TXNRD1: variants seen among roughly 807,000 people sequenced by gnomAD.
TXNRD1 encodes thioredoxin reductase 1, also known as thioredoxin reductase 1, cytoplasmic.
TXNRD1 carries 57 observed loss-of-function variants against 80.3 expected under a neutral mutation model. The ratio of observed to expected loss-of-function variants is 0.71; its 90% confidence interval spans 0.57 to 0.89. The LOEUF is 0.89. Ranked by LOEUF, TXNRD1 falls within the 40% of genes least tolerant of loss-of-function variation. The probability of loss-of-function intolerance (pLI) is 0.00; values close to 1 mark genes in which losing one functional copy is unlikely to be tolerated. For synonymous variants in TXNRD1, 291 were observed against 285.2 expected, an observed-to-expected ratio of 1.02 and a Z score of -0.20; for missense variants, 730 against 803.0, an observed-to-expected ratio of 0.91 and a Z score of 1.10.
intron 15 of TXNRD1, among the ~76,000 whole-genome samples, chr12:104,338,339 A>G (rs1389357570): frequency 6.6e-6 from 1 of 151,666 alleles, no homozygotes; most frequent in Middle Eastern, 3.4e-3. Flanking sequence ...ATCATACTCT[A>G]TGTTTTGGTT....
intron 9 of TXNRD1, among the ~76,000 whole-genome samples, chr12:104,319,863 T>C (rs540851510): frequency 1.3e-5 from 2 of 152,394 alleles, no homozygotes; most frequent in African/African-American, 4.8e-5. Context: ...GAAATTTATT[T>C]ATGCATGTAT....
At chr12:104,238,753 T>C (rs2032793300) in intron 1 of TXNRD1, among the ~76,000 whole-genome samples, 1 of 152,210 alleles carries the variant, frequency 6.6e-6, no homozygotes, top group Admixed American at 6.5e-5. Flanking sequence ...TCAGTTGTGG[T>C]GTATAAAATT....
intron 4 of TXNRD1, among the ~76,000 whole-genome samples, chr12:104,308,885 A>T (rs562063658): frequency 6.7e-6 from 1 of 150,074 alleles, no homozygotes; most frequent in African/African-American, 2.4e-5. Flanking sequence ...TTAAAATTTT[A>T]AAAACAATGT....
intron 3 of TXNRD1, chr12:104,287,481 T>G (rs567003350): frequency 2.5e-5 from 40 of 1,608,518 alleles, no homozygotes; most frequent in Non-Finnish European, 3.4e-5. Flanking sequence ...TAGATGACAA[T>G]GTGTTGAGTG....
chr12:104,298,648 C>T (rs543904064), intron 4 of TXNRD1, among the ~76,000 whole-genome samples: 6 of 151,966 alleles, frequency 3.9e-5, no homozygotes, highest in Admixed American at 2.6e-4. Context: ...CACTTGAACC[C>T]GGGAGGCGGA....
Position 104,225,277 on chromosome 12 carries a change from A to G in TXNRD1, c.91+9384A>G, listed in dbSNP as rs117198234. On this transcript the variant is annotated intron_variant, in intron 1 of 16. Transcript: ENST00000525566. ...ATTTAATCACTGCAAGAGGCAAATGAGGAAAGTGAGGCCCAGAGAGGTAAC... is the reference window on the plus strand; with the variant it reads ...ATTTAATCACTGCAAGAGGCAAATGGGGAAAGTGAGGCCCAGAGAGGTAAC... Among the ~76,000 whole-genome samples, 521 of 152,304 alleles carry G rather than the reference A, an allele frequency of 3.4e-3. 1 individual carries two copies. Among genetic ancestry groups the G allele is most frequent in the Middle Eastern group, 6.8e-3 (2 of 294 alleles).
At chr12:104,291,228 T>C in intron 4 of TXNRD1, 1 of 453,928 alleles carries the variant, frequency 2.2e-6, no homozygotes, top group Non-Finnish European at 3.8e-6. Context: ...TGAGACAAAG[T>C]CTCGCTCTGT....
At chr12:104,323,569 CGGGCGGGGGGCTG>C (rs2035628331) in intron 10 of TXNRD1, among the ~76,000 whole-genome samples, 1 of 124,582 alleles carries the variant, frequency 8.0e-6, no homozygotes, top group African/African-American at 3.4e-5. Context: ...GGCGGCTGGC[CGGGCGGGGGGCTG>C]ACACCCCCAC....
intron 4 of TXNRD1, among the ~76,000 whole-genome samples, chr12:104,302,784 C>T (rs1343942571): frequency 2.0e-5 from 3 of 152,184 alleles, no homozygotes; most frequent in Non-Finnish European, 4.4e-5. Flanking sequence ...CCACCGCGCC[C>T]GGCCATTCCC....
At chr12:104,260,865 A>C (rs540315074) in intron 3 of TXNRD1, among the ~76,000 whole-genome samples, 187 of 152,346 alleles carry the variant, frequency 1.2e-3, no homozygotes, top group African/African-American at 4.3e-3. Flanking sequence ...ATGTCCTTCA[A>C]GGATGGGAAA....
At chr12:104,230,319 G>A (rs145184686) in intron 1 of TXNRD1, among the ~76,000 whole-genome samples, 87 of 151,984 alleles carry the variant, frequency 5.7e-4, no homozygotes, top group African/African-American at 1.9e-3. Context: ...TCCACCCACC[G>A]CAGCCTCCCA....
intron 3 of TXNRD1, chr12:104,287,525 T>C: frequency 6.3e-7 from 1 of 1,588,008 alleles, no homozygotes; most frequent in East Asian, 2.3e-5. Flanking sequence ...TAAGAAAGTA[T>C]AACTATGTAA....
At chr12:104,305,765 G>A (rs965023579) in intron 4 of TXNRD1, among the ~76,000 whole-genome samples, 1 of 152,208 alleles carries the variant, frequency 6.6e-6, no homozygotes, top group East Asian at 1.9e-4. Flanking sequence ...TCCAGTTGTA[G>A]TTTTTATCTA....
At chr12:104,288,831 C>G in intron 3 of TXNRD1, 100 bp from the exon 4 acceptor site, 1 of 1,609,078 alleles carries the variant, frequency 6.2e-7, no homozygotes. Flanking sequence ...GCACGCGGTG[C>G]CTGCGGGGCC....
intron 2 of TXNRD1, among the ~76,000 whole-genome samples, chr12:104,252,199 T>TA (rs1233750518): frequency 6.6e-6 from 1 of 151,998 alleles, no homozygotes; most frequent in Non-Finnish European, 1.5e-5. Flanking sequence ...CATATTCAGG[T>TA]AGTCGAGGTC....
intron 4 of TXNRD1, among the ~76,000 whole-genome samples, chr12:104,299,208 A>G (rs1366615626): frequency 6.6e-6 from 1 of 152,196 alleles, no homozygotes; most frequent in Non-Finnish European, 1.5e-5. Context: ...TGTTTCCTTC[A>G]AGGGTCAACT....
intron 1 of TXNRD1, among the ~76,000 whole-genome samples, chr12:104,222,640 G>T: frequency 6.6e-6 from 1 of 152,140 alleles, no homozygotes; most frequent in Non-Finnish European, 1.5e-5. Flanking sequence ...ATCACTTGAG[G>T]TCAGGAGTTC....
At chr12:104,238,715 G>T (rs2032792230) in intron 1 of TXNRD1, among the ~76,000 whole-genome samples, 1 of 152,128 alleles carries the variant, frequency 6.6e-6, no homozygotes, top group Non-Finnish European at 1.5e-5. Context: ...ATCAACCTGT[G>T]CAAGGTTTAT....
At chr12:104,286,282 A>G (rs2033969539) in intron 3 of TXNRD1, 2 of 152,262 alleles carry the variant, frequency 1.3e-5, no homozygotes, top group Admixed American at 1.3e-4. Context: ...GGGAAGCATG[A>G]GAGAGCATGG....
Sources: gnomAD v4.1 joint callset for allele counts (sites outside exome capture counted in the v4.1 genomes callset) on GRCh38, gnomAD v4.1.1 for gene constraint, MANE v1.5 for transcripts, NCBI Gene and HGNC (gene_info 2026-07-23, HGNC 2026-07-21) for gene names.